The following EXOC6B variants were observed in gnomAD, a reference collection of about 807,000 sequenced individuals.
The protein encoded by EXOC6B is exocyst complex component 6B.
In EXOC6B, 54 loss-of-function variants were observed where a neutral mutation model predicts 113.5. That is an observed-to-expected ratio of 0.48 (90% CI 0.38 to 0.60). EXOC6B has a LOEUF of 0.60. Among genes scored for constraint, EXOC6B ranks in the 20% least tolerant of loss-of-function variants. The pLI is 0.00. For synonymous variants in EXOC6B, 357 were observed against 339.0 expected (o/e 1.05, Z -0.58); for missense variants, 797 against 977.5 (o/e 0.82, Z 2.46).
chr2:72,253,600 A>G (rs1264396977), intron 20 of EXOC6B, among the ~76,000 whole-genome samples: 1 of 152,158 alleles, frequency 6.6e-6, no homozygotes. Flanking sequence ...AAGAACAGAA[A>G]ACCAAACACC....
chr2:72,546,489 C>T (rs1017413321), intron 8 of EXOC6B, among the ~76,000 whole-genome samples: 2 of 152,162 alleles, frequency 1.3e-5, no homozygotes, highest in Non-Finnish European at 2.9e-5. Context: ...TCTAGCTCTG[C>T]TGCTGATTCA....
At chr2:72,767,078 C>T (rs920239314) in intron 1 of EXOC6B, among the ~76,000 whole-genome samples, 1 of 152,004 alleles carries the variant, frequency 6.6e-6, no homozygotes, top group African/African-American at 2.4e-5. Flanking sequence ...ATCAAAAGCC[C>T]TCAGCCAGCA....
At chr2:72,482,355 T>TG (rs1423126458) in intron 16 of EXOC6B, among the ~76,000 whole-genome samples, 2 of 152,208 alleles carry the variant, frequency 1.3e-5, no homozygotes, top group Admixed American at 6.5e-5. Context: ...ACCTTTTTTT[T>TG]GTCTTTCTTT....
intron 1 of EXOC6B, among the ~76,000 whole-genome samples, chr2:72,767,819 A>AAAAAAAAAAAAAAACC (rs1683169589): frequency 7.4e-6 from 1 of 135,850 alleles, no homozygotes; most frequent in Non-Finnish European, 1.6e-5. Context: ...AAAAAAAAAA[A>AAAAAAAAAAAAAAACC]AAAAAAAAAA....
chr2:72,184,091 G>C lies in EXOC6B; in HGVS notation c.2293C>G (p.Leu765Val). The C allele has an allele frequency of 6.4e-7, 1 of 1,559,174 alleles. No homozygotes were observed. Among genetic ancestry groups the C allele is most frequent in the Non-Finnish European group, 8.7e-7 (1 of 1,149,296 alleles). The change falls in exon 21 of 22, where the codon CTG (leucine) becomes GTG (valine). Residue 765 changes from leucine to valine, a missense_variant. Leu to Val is a conservative substitution (Grantham distance 32, BLOSUM62 1). Coordinates refer to ENST00000272427, the MANE Select transcript of EXOC6B (RefSeq NM_015189.3). ...KYLRVNPVTA[L>V]TLLEKMKDTS... Reference sequence around the variant, plus strand: ...GGTACTCACTTCTCAAGCAGGGTCAGAGCAGTCACTGGGTTTACCCGGAGG... The same window carrying C: ...GGTACTCACTTCTCAAGCAGGGTCACAGCAGTCACTGGGTTTACCCGGAGG...
chr2:72,570,919 T>C (rs1466815646), intron 7 of EXOC6B, among the ~76,000 whole-genome samples: 1 of 152,202 alleles, frequency 6.6e-6, no homozygotes, highest in Non-Finnish European at 1.5e-5. Flanking sequence ...GTAACTATTA[T>C]ATACTGATAG....
chr2:72,250,515 G>GT (rs559243287), intron 20 of EXOC6B, among the ~76,000 whole-genome samples: 1,914 of 149,766 alleles, frequency 0.013, 21 homozygotes, highest in Middle Eastern at 0.024. Context: ...GCTAATTTTT[G>GT]TTTTTTTTTG....
At chr2:72,585,619 A>G (rs1394086900) in intron 6 of EXOC6B, among the ~76,000 whole-genome samples, 3 of 152,030 alleles carry the variant, frequency 2.0e-5, no homozygotes, top group Non-Finnish European at 4.4e-5. Context: ...AGGTGATATT[A>G]CAAGAGATAC....
intron 7 of EXOC6B, among the ~76,000 whole-genome samples, chr2:72,566,946 T>C (rs1439057208): frequency 1.3e-5 from 2 of 152,020 alleles, no homozygotes; most frequent in East Asian, 3.8e-4. Context: ...CTATTAATAA[T>C]TACGTTGCTT....
intron 18 of EXOC6B, among the ~76,000 whole-genome samples, chr2:72,392,409 G>C (rs1160585821): frequency 2.0e-5 from 3 of 152,174 alleles, no homozygotes; most frequent in Non-Finnish European, 4.4e-5. Flanking sequence ...TTGAACCCCA[G>C]CTCAGACCCT....
rs73945623 is a variant in EXOC6B at position 72,782,367 on chromosome 2, A to G, written c.114-40898T>C. Among the ~76,000 whole-genome samples the G allele has an allele frequency of 1.8e-3, 275 of 152,184 alleles. 1 individual carries two copies. Among genetic ancestry groups the G allele is most frequent in the African/African-American group, 5.9e-3 (244 of 41,518 alleles). On this transcript the variant is annotated intron_variant, in intron 1 of 21. Coordinates refer to ENST00000272427, the MANE Select transcript of EXOC6B (RefSeq NM_015189.3). ...CATAATTTCTTTTTGGCTTAGATTT[A>G]CCTTTTCTTTTTTATTTTTTAAAAT...
rs544200060 is a variant in EXOC6B at position 72,792,343 on chromosome 2, G to A, written c.113+33455C>T. ...AGCCAAAAAGATATGAGTTAACTCC[G>A]CTTATCCTAACTGAATCTAGTTTTG... is the stretch of plus-strand genomic sequence containing the variant. On this transcript the variant is annotated intron_variant, in intron 1 of 21. Transcript: ENST00000272427. Among the ~76,000 whole-genome samples the A allele has an allele frequency of 5.9e-5, 9 of 152,240 alleles. No homozygotes were observed. The East Asian group carries it at 7.7e-4, about 13-fold the overall frequency.
chr2:72,501,864 A>C (rs969578850), intron 11 of EXOC6B, among the ~76,000 whole-genome samples: 3 of 151,612 alleles, frequency 2.0e-5, no homozygotes, highest in African/African-American at 4.9e-5. Context: ...GGTTCAAGCA[A>C]TCTTCCCACC....
intron 20 of EXOC6B, among the ~76,000 whole-genome samples, chr2:72,297,454 C>T (rs1686213488): frequency 6.6e-6 from 1 of 152,144 alleles, no homozygotes; most frequent in African/African-American, 2.4e-5. Context: ...ATTTAGCTCC[C>T]ACTTATATAT....
chr2:72,636,463 G>A (rs1406143482), intron 6 of EXOC6B, among the ~76,000 whole-genome samples: 1 of 150,006 alleles, frequency 6.7e-6, no homozygotes, highest in Non-Finnish European at 1.5e-5. Context: ...GAAGGAGGAG[G>A]AGGAAGAAAA....
At chr2:72,747,043 A>C (rs1427834700) in intron 1 of EXOC6B, among the ~76,000 whole-genome samples, 1 of 152,106 alleles carries the variant, frequency 6.6e-6, no homozygotes, top group Non-Finnish European at 1.5e-5. Context: ...AGCCCAACAC[A>C]AAGCTAAGTG....
intron 20 of EXOC6B, among the ~76,000 whole-genome samples, chr2:72,209,378 A>G (rs1680044838): frequency 6.6e-6 from 1 of 152,082 alleles, no homozygotes. Context: ...CTGCTCCAAT[A>G]AAATCTTCTT....
In EXOC6B at chr2:72,545,013, T is replaced by A. The variant is rs139726893; in HGVS notation, c.915+14440A>T. ...GTGTTTATATAAAAACCAATTTAGA[T>A]GTTAATTCAAGTATCTTTGTGAGAA... On this transcript the variant is annotated intron_variant, in intron 8 of 21. Transcript: ENST00000272427. 5.4e-3 allele frequency among the ~76,000 whole-genome samples: 821 copies of A among 152,206 alleles called. 9 individuals carry two copies. The highest frequency in any genetic ancestry group is 0.019 in the African/African-American group (781 of 41,572).
chr2:72,708,601 A>G (rs557491717), intron 6 of EXOC6B, among the ~76,000 whole-genome samples: 1 of 152,358 alleles, frequency 6.6e-6, no homozygotes, highest in East Asian at 1.9e-4. Flanking sequence ...TACAAAGAGT[A>G]GTATAAAGGA....
Sources: gnomAD v4.1 joint callset for allele counts (sites outside exome capture counted in the v4.1 genomes callset) on GRCh38, gnomAD v4.1.1 for gene constraint, MANE v1.5 for transcripts, NCBI Gene and HGNC (gene_info 2026-07-23, HGNC 2026-07-21) for gene names.